Variants in KCNQ5 observed in about 807,000 individuals in gnomAD.
The protein encoded by KCNQ5 is potassium voltage-gated channel subfamily KQT member 5.
Under a neutral mutation model 98.2 loss-of-function variants are expected in KCNQ5, and 30 were observed. That is an observed-to-expected ratio of 0.31 (90% CI 0.23 to 0.41). The LOEUF is 0.41. KCNQ5 is among the 10% of genes least tolerant of loss of function. KCNQ5 has a pLI of 1.00. For missense variants in KCNQ5, 835 were observed against 1,182.5 expected (o/e 0.71, Z 4.31); for synonymous variants, 458 against 449.4 (o/e 1.02, Z -0.24).
At chr6:72,988,178 C>T (rs889789281) in intron 1 of KCNQ5, among the ~76,000 whole-genome samples, 6 of 152,286 alleles carry the variant, frequency 3.9e-5, no homozygotes, top group Middle Eastern at 3.4e-3. Flanking sequence ...AGGTGCTAGG[C>T]ACATACTAGT....
intron 1 of KCNQ5, among the ~76,000 whole-genome samples, chr6:72,737,187 C>A (rs554306701): frequency 6.6e-6 from 1 of 152,140 alleles, no homozygotes; most frequent in African/African-American, 2.4e-5. Context: ...TTTGAACTCC[C>A]GGCCTCAAGT....
chr6:73,079,050 C>A (rs1288566478), intron 5 of KCNQ5, among the ~76,000 whole-genome samples: 1 of 152,100 alleles, frequency 6.6e-6, no homozygotes, highest in Non-Finnish European at 1.5e-5. Flanking sequence ...GCCTGTAATC[C>A]AAGCACTTTG....
chr6:73,067,597 A>C (rs1017297967), intron 3 of KCNQ5, among the ~76,000 whole-genome samples: 8 of 152,284 alleles, frequency 5.3e-5, no homozygotes, highest in Middle Eastern at 3.4e-3. Flanking sequence ...GTTTATACTC[A>C]TAACCTCTGT....
intron 1 of KCNQ5, among the ~76,000 whole-genome samples, chr6:72,979,430 G>A (rs954527226): frequency 2.1e-4 from 32 of 152,308 alleles, no homozygotes; most frequent in Non-Finnish European, 4.1e-4. Flanking sequence ...GACCAGTGAT[G>A]ATGAGCATTT....
chr6:72,965,678 T>C (rs1767568835), intron 1 of KCNQ5, among the ~76,000 whole-genome samples: 1 of 152,204 alleles, frequency 6.6e-6, no homozygotes, highest in Non-Finnish European at 1.5e-5. Flanking sequence ...CCAGAGTTAT[T>C]ATCTATTTTA....
At chr6:72,694,955 T>A (rs1277993055) in intron 1 of KCNQ5, among the ~76,000 whole-genome samples, 1 of 152,062 alleles carries the variant, frequency 6.6e-6, no homozygotes, top group Non-Finnish European at 1.5e-5. Context: ...GGAGAGCTTT[T>A]GTGGTATTGG....
chr6:73,180,116 C>T (rs1425355329), intron 11 of KCNQ5, among the ~76,000 whole-genome samples: 1 of 152,210 alleles, frequency 6.6e-6, no homozygotes, highest in East Asian at 1.9e-4. Context: ...ACAAATGAAA[C>T]TCTCAAATCC....
At position 72,974,385 on chromosome 6, in the gene KCNQ5, C is replaced by CAAA. The variant is rs201503571; in HGVS notation, c.399-29511_399-29509dup. On this transcript the variant is annotated intron_variant, in intron 1 of 13. Transcript: ENST00000370398. ...TCCTACAGATGGCAATAACTAGTGG[C>CAAA]AAAAAAAAAAAAAAGGCCTAGACTC... Among the ~76,000 whole-genome samples, 899 of 120,474 alleles carry CAAA rather than the reference C, an allele frequency of 7.5e-3. 15 individuals are homozygous for CAAA. The highest frequency in any genetic ancestry group is 0.024 in the African/African-American group (808 of 34,190). 79.0% of individuals were successfully genotyped at this position (120,474 alleles called of 152,430 possible).
chr6:73,095,366 A>T (rs1774437418), intron 5 of KCNQ5, among the ~76,000 whole-genome samples: 1 of 152,084 alleles, frequency 6.6e-6, no homozygotes, highest in African/African-American at 2.4e-5. Context: ...CGGGCTTCAC[A>T]TGTCTCTGGT....
At chr6:72,679,726 T>TAATAA (rs143214299) in intron 1 of KCNQ5, among the ~76,000 whole-genome samples, 9,322 of 151,440 alleles carry the variant, frequency 0.062, 291 homozygotes, top group Middle Eastern at 0.15. Context: ...AGTATAATAA[T>TAATAA]AATAAAATAA....
At chr6:73,162,952 C>T (rs1777669150) in intron 10 of KCNQ5, among the ~76,000 whole-genome samples, 1 of 152,182 alleles carries the variant, frequency 6.6e-6, no homozygotes, top group African/African-American at 2.4e-5. Flanking sequence ...GCATGCTCTG[C>T]TCTGAGATGT....
At chr6:72,700,901 A>G (rs1377007142) in intron 1 of KCNQ5, among the ~76,000 whole-genome samples, 1 of 152,190 alleles carries the variant, frequency 6.6e-6, no homozygotes, top group African/African-American at 2.4e-5. Flanking sequence ...TTGACCAGAT[A>G]AAAAAGAAGT....
chr6:73,004,250 GC>G (rs1289293749), intron 2 of KCNQ5, among the ~76,000 whole-genome samples: 1 of 152,010 alleles, frequency 6.6e-6, no homozygotes, highest in African/African-American at 2.4e-5. Flanking sequence ...TAAATAGAAG[GC>G]AATATTAGAA....
intron 2 of KCNQ5, among the ~76,000 whole-genome samples, chr6:73,039,108 A>C (rs879719643): frequency 6.6e-5 from 10 of 152,058 alleles, no homozygotes; most frequent in Non-Finnish European, 1.5e-4. Flanking sequence ...ATTTCTTCTA[A>C]GTTATCAAGT....
intron 1 of KCNQ5, among the ~76,000 whole-genome samples, chr6:72,723,964 A>T (rs1239537520): frequency 6.6e-6 from 1 of 152,038 alleles, no homozygotes; most frequent in African/African-American, 2.4e-5. Context: ...CTGCACTTCC[A>T]TTGTCTGCTA....
At chr6:73,138,525 A>G (rs947902371) in intron 10 of KCNQ5, among the ~76,000 whole-genome samples, 10 of 152,226 alleles carry the variant, frequency 6.6e-5, no homozygotes, top group African/African-American at 2.4e-4. Flanking sequence ...AACGTTCTGT[A>G]GTAATTAGCA....
At chr6:72,941,614 C>T (rs1766305049) in intron 1 of KCNQ5, among the ~76,000 whole-genome samples, 1 of 149,252 alleles carries the variant, frequency 6.7e-6, no homozygotes, top group Non-Finnish European at 1.5e-5. Flanking sequence ...TTCCTTCCTT[C>T]CTGACTTCCT....
At chr6:72,785,317 T>C (rs1773680236) in intron 1 of KCNQ5, among the ~76,000 whole-genome samples, 1 of 152,014 alleles carries the variant, frequency 6.6e-6, no homozygotes, top group Non-Finnish European at 1.5e-5. Context: ...GCTGGGATTG[T>C]AACTGGAAAA....
intron 1 of KCNQ5, among the ~76,000 whole-genome samples, chr6:72,771,652 CTGTGTGTGTGTG>C (rs150518788): frequency 5.4e-5 from 8 of 147,750 alleles, no homozygotes; most frequent in African/African-American, 1.2e-4. Flanking sequence ...AACCATTTCA[CTGTGTGTGTGTG>C]TGTGTGTGTG....
Sources: allele counts gnomAD v4.1 joint callset (sites outside exome capture counted in the v4.1 genomes callset), GRCh38; gene constraint gnomAD v4.1.1; transcripts MANE v1.5; gene names NCBI Gene and HGNC (gene_info 2026-07-23, HGNC 2026-07-21).